Variants in SLC12A1 observed in about 807,000 individuals in gnomAD.
The protein encoded by SLC12A1 is Na-K-2Cl cotransporter.
SLC12A1 carries 89 observed loss-of-function variants against 130.4 expected under a neutral mutation model. That is an observed-to-expected ratio of 0.68 (90% CI 0.58 to 0.81). The LOEUF (loss-of-function observed/expected upper bound fraction) is 0.81. Ranked by LOEUF, SLC12A1 falls within the 40% of genes least tolerant of loss-of-function variation. The probability of loss-of-function intolerance (pLI) is 0.00; values close to 1 mark genes in which losing one functional copy is unlikely to be tolerated. For synonymous variants in SLC12A1, 499 were observed against 460.0 expected, an observed-to-expected ratio of 1.08 and a Z score of -1.09; for missense variants, 1,310 against 1,336.4, an observed-to-expected ratio of 0.98 and a Z score of 0.31.
At chr15:48,224,190 A>C (rs1344296358) in intron 4 of SLC12A1, 2 of 152,158 alleles carry the variant, frequency 1.3e-5, no homozygotes, top group African/African-American at 4.8e-5. Context: ...AGCATTCTGG[A>C]TGGAGCCAGG....
At position 48,226,603 on chromosome 15, in the gene SLC12A1, C is replaced by T. The variant is rs753408148; in HGVS notation, c.724+32C>T. The T allele has an allele frequency of 4.5e-5, 61 of 1,347,282 alleles. No homozygotes were observed. In the Admixed American group the frequency reaches 1.0e-3, roughly 23 times the overall value. 83.5% of individuals were successfully genotyped at this position (1,347,282 alleles called of 1,614,324 possible). ...TCTCTAAGATATCTAATGCCCTCAT[C>T]ACTTGCTACGGGTAGGCGAACAATT... is the stretch of plus-strand genomic sequence containing the variant. On this transcript the variant is annotated intron_variant, in intron 5 of 26. Transcript: ENST00000380993.
At chr15:48,278,922 C>T (rs578109344) in intron 20 of SLC12A1, among the ~76,000 whole-genome samples, 1 of 152,286 alleles carries the variant, frequency 6.6e-6, no homozygotes, top group African/African-American at 2.4e-5. Context: ...TCAAATAATC[C>T]TGGCAGTGAA....
intron 20 of SLC12A1, among the ~76,000 whole-genome samples, chr15:48,279,114 C>G (rs564237582): frequency 6.6e-6 from 1 of 152,284 alleles, no homozygotes; most frequent in South Asian, 2.1e-4. Context: ...ATGAAGAACA[C>G]GCAGAAAAAC....
chr15:48,242,108 C>T (rs1484089500), intron 10 of SLC12A1, among the ~76,000 whole-genome samples: 1 of 152,140 alleles, frequency 6.6e-6, no homozygotes, highest in Non-Finnish European at 1.5e-5. Flanking sequence ...AGAACAAGAC[C>T]CAGCTGCTGG....
At chr15:48,301,680 G>C (rs560786475) in intron 26 of SLC12A1, among the ~76,000 whole-genome samples, 2 of 152,114 alleles carry the variant, frequency 1.3e-5, no homozygotes, top group East Asian at 3.9e-4. Context: ...TGAGACCCTG[G>C]ATTTCTCTGC....
Position 48,249,316 on chromosome 15 carries a change from A to G in SLC12A1, c.1685-259A>G, listed in dbSNP as rs8033965. ...TGTATGCCCAGTCGCACATCTACCC[A>G]TTGCCACTTGAACTTTTTGTAGTAG... On this transcript the variant is annotated intron_variant, in intron 13 of 26. Transcript: ENST00000380993. 0.49 allele frequency among the ~76,000 whole-genome samples: 56,443 copies of G among 116,032 alleles called. 14,878 individuals are homozygous for G. Among genetic ancestry groups the G allele is most frequent in the African/African-American group, 0.77 (30,593 of 39,730 alleles). 76.1% of individuals were successfully genotyped at this position (116,032 alleles called of 152,430 possible).
chr15:48,234,809 A>G (rs2041420955), intron 8 of SLC12A1, 68 bp from the exon 9 acceptor site: 2 of 1,492,848 alleles, frequency 1.3e-6, no homozygotes, highest in African/African-American at 1.4e-5. Context: ...AGGGAAGCCA[A>G]TGGTAACTTA....
chr15:48,226,256 G>T (rs777392137), intron 4 of SLC12A1: 5 of 467,054 alleles, frequency 1.1e-5, no homozygotes, highest in Non-Finnish European at 1.8e-5. Flanking sequence ...CTGCACTTTC[G>T]ATTGTGTTTA....
chr15:48,238,168 A>G (rs973577742), intron 9 of SLC12A1, among the ~76,000 whole-genome samples: 23 of 152,220 alleles, frequency 1.5e-4, no homozygotes, highest in African/African-American at 5.5e-4. Flanking sequence ...GTTCTATTCT[A>G]TTGGATTCTT....
At chr15:48,233,847 T>A (rs2041407831) in intron 8 of SLC12A1, among the ~76,000 whole-genome samples, 1 of 152,152 alleles carries the variant, frequency 6.6e-6, no homozygotes, top group Non-Finnish European at 1.5e-5. Flanking sequence ...TTTTTTCCTA[T>A]TTTTTCATCC....
chr15:48,278,168 C>T (rs931140738), intron 20 of SLC12A1, among the ~76,000 whole-genome samples: 2 of 152,140 alleles, frequency 1.3e-5, no homozygotes, highest in African/African-American at 2.4e-5. Context: ...TACGTGAACC[C>T]GGGAGGCGGA....
chr15:48,221,839 G>C (rs1456067249), intron 4 of SLC12A1, among the ~76,000 whole-genome samples: 1 of 152,148 alleles, frequency 6.6e-6, no homozygotes, highest in African/African-American at 2.4e-5. Flanking sequence ...CAGGAATATG[G>C]AAGTTCTATT....
intron 9 of SLC12A1, among the ~76,000 whole-genome samples, chr15:48,239,574 T>C (rs1340825755): frequency 6.6e-6 from 1 of 150,680 alleles, no homozygotes; most frequent in Admixed American, 6.6e-5. Context: ...CATGATGGAA[T>C]CTCATGTGAC....
chr15:48,232,810 A>G lies in SLC12A1; in HGVS notation c.1059A>G (p.Lys353=). 1 of 1,611,634 alleles carries G rather than the reference A, an allele frequency of 6.2e-7. No homozygotes were observed. The highest frequency in any genetic ancestry group is 1.3e-5 in the African/African-American group (1 of 74,996). The part of the protein sequence containing the change: ...IGTVIPSNNE[K]KSRGFFNYQA... ...CTGTCATTCCATCCAACAATGAGAAAAAGTCCAGAGGTTTCTTTAATTACC... is the reference window on the plus strand; with the variant it reads ...CTGTCATTCCATCCAACAATGAGAAGAAGTCCAGAGGTTTCTTTAATTACC... The change falls in exon 8 of 27, where the codon AAA becomes AAG. Residue 353 remains lysine, a synonymous_variant. Transcript: ENST00000380993.
intron 24 of SLC12A1, among the ~76,000 whole-genome samples, chr15:48,297,330 G>C (rs1337616080): frequency 6.6e-6 from 1 of 152,174 alleles, no homozygotes; most frequent in African/African-American, 2.4e-5. Flanking sequence ...ACTGTGGTCA[G>C]CATAGTTGTG....
At chr15:48,256,926 A>T (rs143835516) in intron 16 of SLC12A1, among the ~76,000 whole-genome samples, 3 of 149,536 alleles carry the variant, frequency 2.0e-5, no homozygotes, top group Non-Finnish European at 4.4e-5. Flanking sequence ...AAAAGTCCAC[A>T]GTCCAAAGTC....
chr15:48,226,527 G>T lies in SLC12A1; in HGVS notation c.680G>T (p.Gly227Val). The change falls in exon 5 of 27, where the codon GGG becomes GTG. Residue 227 changes from glycine (G) to valine (V), a missense_variant. Coordinates refer to ENST00000380993, the MANE Select transcript of SLC12A1 (RefSeq NM_000338.3). Reference protein sequence around the residue: ...LLSTMVTSITGLSTSAIATNG... With the variant: ...LLSTMVTSITVLSTSAIATNG... The stretch of plus-strand genomic sequence containing the variant: ...TCCACCATGGTAACTTCTATTACTG[G>T]GTTGTCAACTTCTGCGATAGCAACT... 6.2e-7 allele frequency: 1 copy of T among 1,609,684 alleles called. No individual in the cohort carries two copies. The highest frequency in any genetic ancestry group is 8.5e-7 in the Non-Finnish European group (1 of 1,178,160).
At chr15:48,257,790 T>C (rs1276206437) in intron 16 of SLC12A1, among the ~76,000 whole-genome samples, 2 of 152,184 alleles carry the variant, frequency 1.3e-5, no homozygotes, top group Admixed American at 1.3e-4. Flanking sequence ...TGAAGTTCTC[T>C]GACATGCCCC....
At chr15:48,240,129 T>C (rs1266130913) in intron 9 of SLC12A1, among the ~76,000 whole-genome samples, 1 of 137,780 alleles carries the variant, frequency 7.3e-6, no homozygotes, top group African/African-American at 2.8e-5. Context: ...ATATATATAA[T>C]ATGCATAAAT....
Sources: allele counts gnomAD v4.1 joint callset (sites outside exome capture counted in the v4.1 genomes callset), GRCh38; gene constraint gnomAD v4.1.1; transcripts MANE v1.5; gene names NCBI Gene and HGNC (gene_info 2026-07-23, HGNC 2026-07-21).